NRDE2: variants seen among roughly 807,000 people sequenced by gnomAD.
The protein encoded by NRDE2 is NRDE-2, necessary for RNA interference, domain containing.
NRDE2 carries 76 observed loss-of-function variants against 124.2 expected under a neutral mutation model. The observed-to-expected ratio is 0.61, with a 90% CI of 0.51 to 0.74. The LOEUF (loss-of-function observed/expected upper bound fraction) is 0.74. Ranked by LOEUF, NRDE2 falls within the 30% of genes least tolerant of loss-of-function variation. NRDE2 has a pLI of 0.00. For synonymous variants in NRDE2, 489 were observed against 528.1 expected, an observed-to-expected ratio of 0.93 and a Z score of 1.01; for missense variants, 1,314 against 1,417.3, an observed-to-expected ratio of 0.93 and a Z score of 1.17.
chr14:90,295,843 C>T (rs1884127931), intron 8 of NRDE2, among the ~76,000 whole-genome samples: 3 of 152,180 alleles, frequency 2.0e-5, no homozygotes, highest in Admixed American at 2.0e-4. Flanking sequence ...CCATTAAATT[C>T]ATTAGAAAGA....
At position 90,279,129 on chromosome 14, in the gene NRDE2, G is replaced by A. The variant is rs756889173; in HGVS notation, c.3302C>T (p.Ser1101Phe). 3.9e-5 allele frequency: 62 copies of A among 1,609,944 alleles called. No homozygotes were observed. The Admixed American group carries it at 4.2e-4, about 11-fold the overall frequency. Reference sequence around the variant, plus strand: ...TTTGCTTCTTTCTTTATTTCCTAAGGAAACCTGAGGTGAGGGGGAGAAAAT... The same window carrying A: ...TTTGCTTCTTTCTTTATTTCCTAAGAAAACCTGAGGTGAGGGGGAGAAAAT... ...LWRMYLNFLVSLGNKERSKGV... is the reference protein window; with the variant it reads ...LWRMYLNFLVFLGNKERSKGV... Residue 1101 changes from serine (S) to phenylalanine (F), a missense_variant, in exon 13 of 14, where the codon TCC becomes TTC. Transcript: ENST00000354366.
At chr14:90,299,140 G>C (rs1022727578) in intron 7 of NRDE2, among the ~76,000 whole-genome samples, 1 of 152,046 alleles carries the variant, frequency 6.6e-6, no homozygotes, top group Non-Finnish European at 1.5e-5. Context: ...CCACCTCCCC[G>C]GGCTCAAGCA....
intron 12 of NRDE2, among the ~76,000 whole-genome samples, chr14:90,283,552 C>T: frequency 6.6e-6 from 1 of 152,146 alleles, no homozygotes. Flanking sequence ...TTCACTAAAA[C>T]CCTGGGCTCC....
chr14:90,305,785 G>T (rs1226966973), intron 4 of NRDE2, among the ~76,000 whole-genome samples: 3 of 152,244 alleles, frequency 2.0e-5, no homozygotes, highest in African/African-American at 7.2e-5. Context: ...ATGGGGTACA[G>T]ACTTACCAGA....
At chr14:90,309,629 T>A (rs1394300377) in intron 4 of NRDE2, among the ~76,000 whole-genome samples, 1 of 152,154 alleles carries the variant, frequency 6.6e-6, no homozygotes, top group East Asian at 1.9e-4. Flanking sequence ...AAGTGCTGCC[T>A]CCTATTGACC....
At chr14:90,297,778 C>G (rs1884230588) in intron 8 of NRDE2, among the ~76,000 whole-genome samples, 1 of 151,610 alleles carries the variant, frequency 6.6e-6, no homozygotes, top group Non-Finnish European at 1.5e-5. Flanking sequence ...CTATCTCTAC[C>G]AAAAATACAA....
intron 5 of NRDE2, among the ~76,000 whole-genome samples, chr14:90,303,459 G>A (rs1318231617): frequency 6.6e-6 from 1 of 152,200 alleles, no homozygotes; most frequent in Non-Finnish European, 1.5e-5. Flanking sequence ...TTGTATGAGT[G>A]GTTCAAAATT....
chr14:90,323,769 C>G (rs1416454988), intron 1 of NRDE2, among the ~76,000 whole-genome samples: 1 of 152,184 alleles, frequency 6.6e-6, no homozygotes, highest in African/African-American at 2.4e-5. Flanking sequence ...ACCCAATGTT[C>G]TAATATCGTA....
In NRDE2 at chr14:90,274,786, C is replaced by CCACA. The variant is rs1566677946; in HGVS notation, c.*3549_*3550insTGTG. On this transcript the variant is annotated 3_prime_UTR_variant, in exon 14 of 14. Coordinates refer to ENST00000354366, the MANE Select transcript of NRDE2 (RefSeq NM_017970.4). ...ACAGTATAGCCCTTTAAATAGGGAA[C>CCACA]TACACACACACACACACACACACAC... The CCACA allele has an allele frequency of 1.2e-5, 1 of 81,562 alleles. No homozygotes were observed. Among genetic ancestry groups the CCACA allele is most frequent in the African/African-American group, 4.9e-5 (1 of 20,208 alleles). 5.1% of individuals were successfully genotyped at this position (81,562 alleles called of 1,614,324 possible).
Position 90,312,488 on chromosome 14 carries a change from T to A in NRDE2, c.463A>T (p.Ile155Phe). 1 of 1,614,196 alleles carries A rather than the reference T, an allele frequency of 6.2e-7. No homozygotes were observed. Among genetic ancestry groups the A allele is most frequent in the Non-Finnish European group, 8.5e-7 (1 of 1,180,018 alleles). Reference protein sequence around the residue: ...TGHRFVWLEDIQAVTGETFRT... With the variant: ...TGHRFVWLEDFQAVTGETFRT... Reference sequence around the variant, plus strand: ...AAGGTTTCTCCCGTCACAGCCTGAATGTCCTCAAGCCAAACAAAGCGATGT... The same window carrying A: ...AAGGTTTCTCCCGTCACAGCCTGAAAGTCCTCAAGCCAAACAAAGCGATGT... The change falls in exon 4 of 14, where the codon ATT becomes TTT. Residue 155 changes from isoleucine (I) to phenylalanine (F), a missense_variant. Coordinates refer to ENST00000354366, the MANE Select transcript of NRDE2 (RefSeq NM_017970.4).
chr14:90,276,218 T>TTG lies in NRDE2; in HGVS notation c.*2117_*2118insCA, dbSNP rs1030624445. 9.6e-4 allele frequency: 2 copies of TTG among 2,078 alleles called. No individual in the cohort carries two copies. The highest frequency in any genetic ancestry group is 4.0e-3 in the Non-Finnish European group (1 of 250). 0.1% of individuals were successfully genotyped at this position (2,078 alleles called of 1,614,324 possible). ...CATGTCAGCAATCTCAAACGGGCTG[T>TTG]TTTTTTTTTTTTTTTTTCGAGACGG... is the stretch of plus-strand genomic sequence containing the variant. On this transcript the variant is annotated 3_prime_UTR_variant, in exon 14 of 14. Transcript: ENST00000354366.
At chr14:90,312,751 G>A (rs942083177) in intron 3 of NRDE2, among the ~76,000 whole-genome samples, 1 of 152,092 alleles carries the variant, frequency 6.6e-6, no homozygotes, top group Non-Finnish European at 1.5e-5. Context: ...AGCAAAACCT[G>A]TCACCACTAA....
At chr14:90,289,352 T>C (rs887017636) in intron 10 of NRDE2, among the ~76,000 whole-genome samples, 5 of 152,162 alleles carry the variant, frequency 3.3e-5, no homozygotes, top group African/African-American at 7.2e-5. Flanking sequence ...TAATCCAGGG[T>C]TCCAGCTGAA....
chr14:90,318,778 G>A (rs1020317158), intron 1 of NRDE2, among the ~76,000 whole-genome samples: 2 of 152,108 alleles, frequency 1.3e-5, no homozygotes, highest in African/African-American at 2.4e-5. Flanking sequence ...CAGCATGGAT[G>A]ACAGAGTTAG....
rs372301313 is a variant in NRDE2, at chr14:90,312,995, T to C, written c.408-452A>G. On this transcript the variant is annotated intron_variant, in intron 3 of 13. Coordinates refer to ENST00000354366, the MANE Select transcript of NRDE2 (RefSeq NM_017970.4). Reference sequence around the variant, plus strand: ...TGACAACACCAATAATCAAGTGTGCTGCCCTAACTTCGCCTAACTTACTTG... The same window carrying C: ...TGACAACACCAATAATCAAGTGTGCCGCCCTAACTTCGCCTAACTTACTTG... 2.2e-4 allele frequency among the ~76,000 whole-genome samples: 33 copies of C among 152,302 alleles called. 1 individual carries two copies. In the East Asian group the frequency reaches 4.2e-3, roughly 20 times the overall value.
chr14:90,299,658 G>A (rs1052343755), intron 7 of NRDE2, among the ~76,000 whole-genome samples: 1 of 152,180 alleles, frequency 6.6e-6, no homozygotes, highest in African/African-American at 2.4e-5. Flanking sequence ...CACACGCCTG[G>A]AGGAGTATTG....
intron 1 of NRDE2, among the ~76,000 whole-genome samples, chr14:90,325,194 A>G (rs1885378739): frequency 6.6e-6 from 1 of 152,174 alleles, no homozygotes; most frequent in African/African-American, 2.4e-5. Flanking sequence ...GTTTGGGGGA[A>G]AAAGATAATG....
Position 90,278,997 on chromosome 14 carries a change from A to T in NRDE2, c.3369+65T>A, listed in dbSNP as rs115270516. ...CCGCGGGGCAGGCCGGGAAGACACT[A>T]GCTGGACGGAGACCTGGCGGGAAGT... On this transcript the variant is annotated intron_variant, in intron 13 of 13. Coordinates refer to ENST00000354366, the MANE Select transcript of NRDE2 (RefSeq NM_017970.4). The T allele has an allele frequency of 1.3e-3, 1,456 of 1,146,768 alleles. 15 individuals carry two copies. The African/African-American group carries it at 0.02, about 16-fold the overall frequency. 71.0% of individuals were successfully genotyped at this position (1,146,768 alleles called of 1,614,324 possible). A position where few individuals can be genotyped will look rare whatever the true frequency, so the allele number is the denominator to read the frequency against.
In NRDE2 at chr14:90,269,154, A is replaced by G; in HGVS notation, c.*9182T>C. On this transcript the variant is annotated 3_prime_UTR_variant, in exon 14 of 14. Transcript: ENST00000354366. ...GCCTCATGCCTTTAGCCCTTTCCAA[A>G]AGGCCTCATCTCTTAGCCACACAGT... The G allele has an allele frequency of 2.1e-6, 1 of 470,192 alleles. No homozygotes were observed. 29.1% of individuals were successfully genotyped at this position (470,192 alleles called of 1,614,324 possible).
Sources: allele counts gnomAD v4.1 joint callset (sites outside exome capture counted in the v4.1 genomes callset), GRCh38; gene constraint gnomAD v4.1.1; transcripts MANE v1.5; gene names NCBI Gene and HGNC (gene_info 2026-07-23, HGNC 2026-07-21).